Variants in MARCO observed in about 807,000 individuals in gnomAD.
MARCO encodes macrophage receptor with collagenous structure, also known as macrophage receptor MARCO.
Under a neutral mutation model 70.0 loss-of-function variants are expected in MARCO, and 72 were observed. The ratio of observed to expected loss-of-function variants is 1.03; its 90% CI spans 0.85 to 1.25. The LOEUF is 1.25. Among genes scored for constraint, MARCO ranks in the 50% most tolerant of loss-of-function variants. The probability of loss-of-function intolerance (pLI) is 0.00; values close to 1 mark genes in which losing one functional copy is unlikely to be tolerated. For missense variants in MARCO, 696 were observed against 659.3 expected, an observed-to-expected ratio of 1.06 and a Z score of -0.61; for synonymous variants, 273 against 243.1, an observed-to-expected ratio of 1.12 and a Z score of -1.14.
chr2:118,980,101 C>T (rs1214008714), intron 8 of MARCO, among the ~76,000 whole-genome samples: 1 of 152,202 alleles, frequency 6.6e-6, no homozygotes, highest in African/African-American at 2.4e-5. Flanking sequence ...TCTGAAGAAA[C>T]TTCATGTGGC....
chr2:118,984,139 C>T (rs1427498520), intron 12 of MARCO, among the ~76,000 whole-genome samples: 2 of 152,208 alleles, frequency 1.3e-5, no homozygotes, highest in African/African-American at 2.4e-5. Flanking sequence ...TACAGTCTAT[C>T]ATGAGTTCTC....
chr2:118,974,276 G>A, intron 4 of MARCO, 57 bp from the exon 5 acceptor site: 1 of 986,410 alleles, frequency 1.0e-6, no homozygotes, highest in Non-Finnish European at 1.6e-6. Flanking sequence ...TGATTGCATG[G>A]CGTTGTTGCC....
rs865939208 is a variant in MARCO at position 118,945,538 on chromosome 2, T to C, written c.97+3141T>C. ...AGTGATTCTCCTGACTCAGTCTCCC[T>C]AGTAGCTGGGATTACAGGTGCCCAC... On this transcript the variant is annotated intron_variant, in intron 1 of 16. Coordinates refer to ENST00000327097, the MANE Select transcript of MARCO (RefSeq NM_006770.4). Among the ~76,000 whole-genome samples the C allele has an allele frequency of 1.7e-4, 25 of 151,408 alleles. No individual in the cohort carries two copies. The South Asian group carries it at 3.6e-3, about 22-fold the overall frequency.
intron 1 of MARCO, among the ~76,000 whole-genome samples, chr2:118,950,676 C>G (rs1269388830): frequency 6.6e-6 from 1 of 152,164 alleles, no homozygotes; most frequent in Non-Finnish European, 1.5e-5. Context: ...ACAGACAATT[C>G]TTCGACATGC....
chr2:118,958,602 A>G (rs1319115742), intron 1 of MARCO, among the ~76,000 whole-genome samples: 2 of 152,156 alleles, frequency 1.3e-5, no homozygotes, highest in Non-Finnish European at 1.5e-5. Flanking sequence ...TACAAATTCG[A>G]TGCAATCCCC....
At chr2:118,991,898 C>G in intron 14 of MARCO, 23 bp downstream of exon 14, 1 of 1,526,664 alleles carries the variant, frequency 6.6e-7, no homozygotes, top group Non-Finnish European at 9.0e-7. Context: ...CATCTGATTC[C>G]TTTGTTCTTA....
Position 118,969,159 on chromosome 2 carries a change from G to T in MARCO, c.98-1G>T. 1 of 1,612,104 alleles carries T rather than the reference G, an allele frequency of 6.2e-7. No homozygotes were observed. Among genetic ancestry groups the T allele is most frequent in the Non-Finnish European group, 8.5e-7 (1 of 1,178,140 alleles). On this transcript the variant is annotated splice_acceptor_variant, in intron 1 of 16. Transcript: ENST00000327097. LOFTEE classifies it high-confidence loss of function. ...CTCCTTCCTCCTGGCTTGTGTTTCA[G>T]TTCCAAAGCCCAAGAGGAGAAATGG...
At chr2:118,970,884 T>A (rs1363275653) in intron 3 of MARCO, among the ~76,000 whole-genome samples, 1 of 152,226 alleles carries the variant, frequency 6.6e-6, no homozygotes, top group African/African-American at 2.4e-5. Flanking sequence ...TCAACTGTTG[T>A]AGGGTTTACC....
chr2:118,955,967 C>T (rs1310575886), intron 1 of MARCO, among the ~76,000 whole-genome samples: 2 of 103,006 alleles, frequency 1.9e-5, no homozygotes, highest in African/African-American at 1.1e-4. Context: ...CTGTTTAAAT[C>T]TGTTTAAATC....
At chr2:118,990,815 GGAACTCA>G (rs1680607933) in intron 13 of MARCO, among the ~76,000 whole-genome samples, 182 bp downstream of exon 13, 1 of 152,140 alleles carries the variant, frequency 6.6e-6, no homozygotes, top group South Asian at 2.1e-4. Flanking sequence ...GGGAACCACA[GGAACTCA>G]ACATCCTGAG....
chr2:118,983,087 G>C (rs1262812514), intron 12 of MARCO, among the ~76,000 whole-genome samples: 1 of 152,240 alleles, frequency 6.6e-6, no homozygotes, highest in Non-Finnish European at 1.5e-5. Flanking sequence ...GCAGTGAACA[G>C]AGACTGTTGC....
intron 15 of MARCO, chr2:118,992,883 CAAACCA>C: frequency 4.0e-6 from 2 of 494,736 alleles, no homozygotes; most frequent in Non-Finnish European, 7.1e-6. Flanking sequence ...ATGCGATTTG[CAAACCA>C]GCCACAGGGG....
intron 13 of MARCO, 93 bp downstream of exon 13, chr2:118,990,726 C>A: frequency 8.1e-7 from 1 of 1,232,496 alleles, no homozygotes; most frequent in Non-Finnish European, 1.2e-6. Context: ...GAATGCACAG[C>A]TGTGACCTTC....
intron 6 of MARCO, among the ~76,000 whole-genome samples, chr2:118,976,576 A>C (rs1680288362): frequency 6.6e-6 from 1 of 151,906 alleles, no homozygotes; most frequent in African/African-American, 2.4e-5. Flanking sequence ...TGTACTCCAT[A>C]TGCTAGCCTT....
At chr2:118,984,402 C>A (rs1436625053) in intron 12 of MARCO, among the ~76,000 whole-genome samples, 1 of 152,146 alleles carries the variant, frequency 6.6e-6, no homozygotes, top group Non-Finnish European at 1.5e-5. Flanking sequence ...TGCTGAATAC[C>A]CTTATGGAGT....
At chr2:118,977,282 ATATGTGTGTGAT>A (rs2104589446) in intron 6 of MARCO, among the ~76,000 whole-genome samples, 177 bp from the exon 7 acceptor site, 1 of 147,530 alleles carries the variant, frequency 6.8e-6, no homozygotes, top group Admixed American at 6.8e-5. Context: ...TTGTGCAATC[ATATGTGTGTGAT>A]TGTGTGTGTG....
chr2:118,950,596 T>C (rs1229155091), intron 1 of MARCO, among the ~76,000 whole-genome samples: 1 of 152,244 alleles, frequency 6.6e-6, no homozygotes, highest in Non-Finnish European at 1.5e-5. Flanking sequence ...TCAGGAGGCC[T>C]AATTACTTTT....
chr2:118,982,080 A>G, intron 10 of MARCO, 76 bp from the exon 11 acceptor site: 2 of 1,017,398 alleles, frequency 2.0e-6, no homozygotes, highest in South Asian at 3.0e-5. Flanking sequence ...ACTGCTGAAA[A>G]CAGAAGCACT....
At chr2:118,945,404 C>CTTTTTTTTTTTTTT (rs55684033) in intron 1 of MARCO, among the ~76,000 whole-genome samples, 2 of 123,066 alleles carry the variant, frequency 1.6e-5, no homozygotes, top group Non-Finnish European at 1.7e-5. Context: ...CCTCTTGTTT[C>CTTTTTTTTTTTTTT]TTTTTTTTTT....
Sources: gnomAD v4.1 joint callset for allele counts (sites outside exome capture counted in the v4.1 genomes callset) on GRCh38, gnomAD v4.1.1 for gene constraint, MANE v1.5 for transcripts, NCBI Gene and HGNC (gene_info 2026-07-23, HGNC 2026-07-21) for gene names.